Variants in MANBA observed in about 807,000 individuals in gnomAD.
MANBA encodes the protein beta-mannosidase.
In MANBA, 83 loss-of-function variants were observed where a neutral mutation model predicts 111.1. That is an observed-to-expected ratio of 0.75 (90% CI 0.63 to 0.90). The LOEUF (loss-of-function observed/expected upper bound fraction) is 0.90, where lower values mean the gene tolerates loss of function less well. MANBA is among the 40% of genes least tolerant of loss of function. MANBA has a pLI of 0.00. For missense variants in MANBA, 1,036 were observed against 1,069.0 expected (o/e 0.97, Z 0.43); for synonymous variants, 370 against 378.7 (o/e 0.98, Z 0.27).
chr4:102,702,428 G>T (rs1487220869), intron 5 of MANBA, among the ~76,000 whole-genome samples: 2 of 152,204 alleles, frequency 1.3e-5, no homozygotes, highest in African/African-American at 2.4e-5. Flanking sequence ...AGGAGGAGAG[G>T]TGCTCTGCTT....
rs1254574575 is a variant in MANBA, at chr4:102,760,788, C to A, written c.107G>T (p.Gly36Val). The A allele has an allele frequency of 1.3e-6, 2 of 1,554,514 alleles. No homozygotes were observed. The highest frequency in any genetic ancestry group is 1.4e-5 in the African/African-American group (1 of 73,488). ...RGNWSICNGNGSLELPGAVPG... is the reference protein window; with the variant it reads ...RGNWSICNGNVSLELPGAVPG... ...GACCGCCCCGGGCAGCTCCAGCGAG[C>A]CGTTCCCATTGCAGATGCTCCAGTT... The change falls in exon 1 of 17, where the codon GGC (glycine) becomes GTC (valine). Residue 36 changes from glycine (G) to valine (V), a missense_variant. Coordinates refer to ENST00000647097, the MANE Select transcript of MANBA (RefSeq NM_005908.4).
chr4:102,707,811 G>T (rs1342245601), intron 5 of MANBA, among the ~76,000 whole-genome samples: 1 of 151,756 alleles, frequency 6.6e-6, no homozygotes, highest in South Asian at 2.1e-4. Flanking sequence ...GTAAAGGAAT[G>T]GAAAAATATA....
intron 5 of MANBA, 47 bp from the exon 6 acceptor site, chr4:102,690,818 G>T: frequency 1.4e-6 from 1 of 698,686 alleles, no homozygotes; most frequent in Non-Finnish European, 2.0e-6. Flanking sequence ...TATATAATAT[G>T]CTAAGCATTA....
Position 102,657,133 on chromosome 4 carries a change from C to T in MANBA, c.1704+549G>A, listed in dbSNP as rs189833777. Among the ~76,000 whole-genome samples the T allele has an allele frequency of 2.5e-3, 371 of 146,584 alleles. 1 individual carries two copies. The highest frequency in any genetic ancestry group is 7.0e-3 in the Middle Eastern group (2 of 286). On this transcript the variant is annotated intron_variant, in intron 12 of 16. Coordinates refer to ENST00000647097, the MANE Select transcript of MANBA (RefSeq NM_005908.4). ...AAGAAGAACACACACAATGCTGAAA[C>T]GGAATCTTTAGGAACAGAGAGAGTG...
chr4:102,687,818 G>A (rs925670694), intron 7 of MANBA, among the ~76,000 whole-genome samples: 6 of 152,098 alleles, frequency 3.9e-5, no homozygotes, highest in African/African-American at 1.4e-4. Context: ...TCTATCACCA[G>A]CACCTAGCAA....
chr4:102,655,927 T>A (rs1229895470), intron 12 of MANBA, among the ~76,000 whole-genome samples: 6 of 152,166 alleles, frequency 3.9e-5, no homozygotes, highest in Non-Finnish European at 2.9e-5. Flanking sequence ...TTTTTTAATT[T>A]TCATAATTCA....
intron 5 of MANBA, among the ~76,000 whole-genome samples, chr4:102,700,143 C>T (rs1192451958): frequency 6.1e-5 from 9 of 147,826 alleles, no homozygotes; most frequent in South Asian, 2.2e-4. Context: ...AGTTTATTTG[C>T]GTAGAGGTGT....
At chr4:102,704,647 C>T (rs1733216538) in intron 5 of MANBA, among the ~76,000 whole-genome samples, 1 of 151,878 alleles carries the variant, frequency 6.6e-6, no homozygotes, top group Admixed American at 6.5e-5. Flanking sequence ...TAAAAGTATC[C>T]AGACCACATT....
chr4:102,737,238 G>A lies in MANBA; in HGVS notation c.178-10555C>T, dbSNP rs1043820091. Among the ~76,000 whole-genome samples the A allele has an allele frequency of 9.2e-5, 14 of 152,172 alleles. No homozygotes were observed. The South Asian group carries it at 1.9e-3, about 20-fold the overall frequency. On this transcript the variant is annotated intron_variant, in intron 1 of 16. Coordinates refer to ENST00000647097, the MANE Select transcript of MANBA (RefSeq NM_005908.4). The stretch of plus-strand genomic sequence containing the variant: ...AGCAGAATCCAGGAGCTTGGGGGTG[G>A]TGAACAGGAAGAACAGATATGAGCA...
chr4:102,760,596 GA>G, intron 1 of MANBA, 121 bp downstream of exon 1: 1 of 1,084,372 alleles, frequency 9.2e-7, no homozygotes, highest in Non-Finnish European at 1.3e-6. Context: ...ATGCAAAGGG[GA>G]AGTTACTACC....
At chr4:102,717,969 A>T (rs1722407862) in intron 4 of MANBA, among the ~76,000 whole-genome samples, 1 of 152,246 alleles carries the variant, frequency 6.6e-6, no homozygotes, top group Non-Finnish European at 1.5e-5. Flanking sequence ...AAGGCAAGTG[A>T]AGTTTCAGGG....
rs564917735 is a variant in MANBA at position 102,656,667 on chromosome 4, G to A, written c.1704+1015C>T. On this transcript the variant is annotated intron_variant, in intron 12 of 16. Transcript: ENST00000647097. ...GCATTATTCATAATAGCCAAACAGA[G>A]GAAACAACACAAATGTCCATCAACT... Among the ~76,000 whole-genome samples the A allele has an allele frequency of 6.1e-4, 92 of 152,030 alleles. 1 individual carries two copies. Among genetic ancestry groups the A allele is most frequent in the African/African-American group, 2.1e-3 (89 of 41,454 alleles).
chr4:102,714,899 G>A (rs1722254941), intron 4 of MANBA, among the ~76,000 whole-genome samples: 1 of 152,150 alleles, frequency 6.6e-6, no homozygotes, highest in Non-Finnish European at 1.5e-5. Flanking sequence ...TATTGGAATA[G>A]GGCCCACACT....
intron 13 of MANBA, among the ~76,000 whole-genome samples, chr4:102,648,437 A>C (rs1730194189): frequency 6.6e-6 from 1 of 152,180 alleles, no homozygotes; most frequent in African/African-American, 2.4e-5. Flanking sequence ...TATAACATGG[A>C]TGATCTTCAA....
chr4:102,740,253 T>C (rs1316833691), intron 1 of MANBA, among the ~76,000 whole-genome samples: 1 of 152,124 alleles, frequency 6.6e-6, no homozygotes, highest in Non-Finnish European at 1.5e-5. Flanking sequence ...ATGAAAGACC[T>C]CTACAAGGAA....
intron 7 of MANBA, among the ~76,000 whole-genome samples, chr4:102,682,136 A>T (rs1320686914): frequency 6.7e-6 from 1 of 149,876 alleles, no homozygotes; most frequent in Non-Finnish European, 1.5e-5. Context: ...AACAAAAGAC[A>T]ACTCTGTCTC....
chr4:102,717,774 A>G (rs1340241769), intron 4 of MANBA, among the ~76,000 whole-genome samples: 1 of 152,208 alleles, frequency 6.6e-6, no homozygotes, highest in East Asian at 1.9e-4. Context: ...GAAGCTGAAG[A>G]GAGAACAATG....
chr4:102,706,017 C>T (rs1236746154), intron 5 of MANBA, among the ~76,000 whole-genome samples: 1 of 152,190 alleles, frequency 6.6e-6, no homozygotes, highest in African/African-American at 2.4e-5. Context: ...GAGGATTGTC[C>T]TGCCACTGCT....
chr4:102,658,592 G>T (rs558646502), intron 11 of MANBA, among the ~76,000 whole-genome samples: 10 of 152,314 alleles, frequency 6.6e-5, no homozygotes, highest in African/African-American at 2.2e-4. Context: ...TAACTCTCAT[G>T]TGAAAGTAAT....
Sources: allele counts gnomAD v4.1 joint callset (sites outside exome capture counted in the v4.1 genomes callset), GRCh38; gene constraint gnomAD v4.1.1; transcripts MANE v1.5; gene names NCBI Gene and HGNC (gene_info 2026-07-23, HGNC 2026-07-21).